Variants in TECTA observed in about 807,000 individuals in gnomAD.
TECTA encodes tectorin alpha.
Under a neutral mutation model 216.8 loss-of-function variants are expected in TECTA, and 128 were observed. The observed-to-expected ratio is 0.59, with a 90% CI of 0.51 to 0.68. The LOEUF is 0.68. TECTA is among the 30% of genes least tolerant of loss of function. The pLI is 0.00. For missense variants in TECTA, 2,551 were observed against 2,786.2 expected (o/e 0.92, Z 1.90); for synonymous variants, 1,089 against 1,117.1 (o/e 0.97, Z 0.50).
At chr11:121,175,291 T>C (rs879286270) in intron 20 of TECTA, among the ~76,000 whole-genome samples, 3 of 151,854 alleles carry the variant, frequency 2.0e-5, no homozygotes, top group Non-Finnish European at 4.4e-5. Flanking sequence ...TGTTAGGGTG[T>C]CAATTTTGGA....
At position 121,187,868 on chromosome 11, in the gene TECTA, G is replaced by A. The variant is rs1343233040; in HGVS notation, c.6036G>A (p.Glu2012=). The change falls in exon 21 of 24, where the codon GAG becomes GAA. Residue 2012 remains glutamate (E), a synonymous_variant. Coordinates refer to ENST00000392793, the MANE Select transcript of TECTA (RefSeq NM_005422.4). ...QNLKDNTIGI[E]ENAVSLTCRF... ...TCAAAGATAACACCATTGGCATCGAGGAGAATGCAGTCTCCCTGACCTGTC... is the reference window on the plus strand; with the variant it reads ...TCAAAGATAACACCATTGGCATCGAAGAGAATGCAGTCTCCCTGACCTGTC... The A allele has an allele frequency of 1.2e-6, 2 of 1,614,250 alleles. No individual in the cohort carries two copies. The highest frequency in any genetic ancestry group is 2.2e-5 in the East Asian group (1 of 44,896).
Position 121,162,263 on chromosome 11 carries a change from G to T in TECTA, c.5165G>T (p.Cys1722Phe), listed in dbSNP as rs1947008494. The change falls in exon 16 of 24, where the codon TGC becomes TTC. Residue 1722 changes from cysteine to phenylalanine, a missense_variant. Around this residue, in one of 3 missense-constraint regions of TECTA, gnomAD observed 2,375 missense variants for 2,563.9 expected, o/e 0.93. Transcript: ENST00000392793. The part of the protein sequence containing the change: ...PFYESCYLDG[C>F]YSHKKFQLCG... ...TACGAGTCCTGCTACCTGGACGGCTGCTACAGCCACAAGAAGTTCCAGCTG... is the reference window on the plus strand; with the variant it reads ...TACGAGTCCTGCTACCTGGACGGCTTCTACAGCCACAAGAAGTTCCAGCTG... 3.1e-6 allele frequency: 5 copies of T among 1,614,052 alleles called. No homozygotes were observed. The highest frequency in any genetic ancestry group is 3.4e-6 in the Non-Finnish European group (4 of 1,180,050).
chr11:121,125,775 C>CA lies in TECTA; in HGVS notation c.1679dup (p.Asn560LysfsTer166), dbSNP rs766698646. 2 of 1,614,152 alleles carry CA rather than the reference C, an allele frequency of 1.2e-6. No individual in the cohort carries two copies. Among genetic ancestry groups the CA allele is most frequent in the Non-Finnish European group, 1.7e-6 (2 of 1,180,048 alleles). ...TGTATGACCTGTGCAGTGTGAGGGA[C>CA]AATGGCACGCTCCTCTGCCAAGCCA... On this transcript the variant is annotated frameshift_variant, in exon 8 of 24. Coordinates refer to ENST00000392793, the MANE Select transcript of TECTA (RefSeq NM_005422.4). LOFTEE classifies it high-confidence loss of function.
At chr11:121,139,363 C>A (rs531457524) in intron 11 of TECTA, among the ~76,000 whole-genome samples, 7 of 152,304 alleles carry the variant, frequency 4.6e-5, no homozygotes, top group African/African-American at 1.7e-4. Flanking sequence ...GAATGGGCAG[C>A]CCCCTGCACC....
intron 20 of TECTA, among the ~76,000 whole-genome samples, chr11:121,181,667 C>G (rs967051151): frequency 6.6e-6 from 1 of 151,904 alleles, no homozygotes; most frequent in Non-Finnish European, 1.5e-5. Context: ...ACAGGTTTCT[C>G]CATGTTGGTC....
At chr11:121,134,703 T>C (rs574156553) in intron 10 of TECTA, among the ~76,000 whole-genome samples, 11 of 152,184 alleles carry the variant, frequency 7.2e-5, no homozygotes, top group African/African-American at 2.4e-4. Context: ...GATTGCCGAG[T>C]CTCCCCTATA....
At chr11:121,185,439 G>A (rs1350866192) in intron 20 of TECTA, among the ~76,000 whole-genome samples, 1 of 145,330 alleles carries the variant, frequency 6.9e-6, no homozygotes, top group Admixed American at 6.7e-5. Flanking sequence ...GAATGAGTAG[G>A]GAAAGCAGAT....
chr11:121,113,664 G>T lies in TECTA; in HGVS notation c.736G>T (p.Ala246Ser). The T allele has an allele frequency of 3.1e-6, 5 of 1,613,870 alleles. No homozygotes were observed. The highest frequency in any genetic ancestry group is 4.2e-6 in the Non-Finnish European group (5 of 1,180,014). Residue 246 changes from alanine to serine, a missense_variant, in exon 6 of 24, where the codon GCA (alanine) becomes TCA (serine). Physicochemically the swap from Ala to Ser is moderately conservative, Grantham distance 99 (BLOSUM62 1). Around this residue, in one of 3 missense-constraint regions of TECTA, gnomAD observed 2,375 missense variants for 2,563.9 expected, o/e 0.93. Coordinates refer to ENST00000392793, the MANE Select transcript of TECTA (RefSeq NM_005422.4). The surrounding 1 kb of genome is among the most constrained non-coding windows in gnomAD (Gnocchi z 4.2). ...TTNVNVPGRW[A>S]FKVDGKEIDP... Reference sequence around the variant, plus strand: ...AAACGTCAATGTTCCAGGCCGCTGGGCATTTAAAGTTGATGGAAAGGAAAT... The same window carrying T: ...AAACGTCAATGTTCCAGGCCGCTGGTCATTTAAAGTTGATGGAAAGGAAAT...
chr11:121,157,785 G>C (rs1946956142), intron 13 of TECTA, 56 bp from the exon 14 acceptor site: 14 of 1,611,642 alleles, frequency 8.7e-6, no homozygotes, highest in South Asian at 1.1e-5. Flanking sequence ...CTGGGCTTTC[G>C]GGTCCCCAGC....
At position 121,187,892 on chromosome 11, in the gene TECTA, T is replaced by C; in HGVS notation, c.6060T>C (p.Cys2020=). The C allele has an allele frequency of 6.2e-7, 1 of 1,614,270 alleles. No homozygotes were observed. Among genetic ancestry groups the C allele is most frequent in the Non-Finnish European group, 8.5e-7 (1 of 1,180,054 alleles). Residue 2020 remains cysteine, a synonymous_variant, in exon 21 of 24, where the codon TGT becomes TGC. Transcript: ENST00000392793. ...GIEENAVSLT[C]RFHVTVFKFI... ...AGGAGAATGCAGTCTCCCTGACCTG[T>C]CGCTTTCACGTCACCGTCTTTAAAT...
At position 121,127,836 on chromosome 11, in the gene TECTA, C is replaced by G. The variant is rs1946628327; in HGVS notation, c.1859C>G (p.Ser620Trp). The change falls in exon 9 of 24, where the codon TCG becomes TGG. Residue 620 changes from serine to tryptophan, a missense_variant. This residue lies in a region of TECTA where 2,375 missense variants were observed against 2,563.9 expected (regional missense o/e 0.93). Coordinates refer to ENST00000392793, the MANE Select transcript of TECTA (RefSeq NM_005422.4). The surrounding 1 kb of genome is among the most constrained non-coding windows in gnomAD (Gnocchi z 5.0). ...GACACATGCTCCGACCTGACGGCCT[C>G]GCGGAACTGCGCCACGCCGTGCACA... ...CPDTCSDLTA[S>W]RNCATPCTEG... 6.2e-7 allele frequency: 1 copy of G among 1,614,128 alleles called. No individual in the cohort carries two copies. The highest frequency in any genetic ancestry group is 1.3e-5 in the African/African-American group (1 of 75,058).
chr11:121,115,757 C>A lies in TECTA; in HGVS notation c.790+2039C>A, dbSNP rs1228372202. Among the ~76,000 whole-genome samples, 3 of 152,140 alleles carry A rather than the reference C, an allele frequency of 2.0e-5. No individual in the cohort carries two copies. In the East Asian group the frequency reaches 5.8e-4, roughly 29 times the overall value. On this transcript the variant is annotated intron_variant, in intron 6 of 23. Coordinates refer to ENST00000392793, the MANE Select transcript of TECTA (RefSeq NM_005422.4). ...TAACTTTGAACTCCAAACTCCTGGGCTCAAGTAATCCTCTCACCTCAGTCT... is the reference window on the plus strand; with the variant it reads ...TAACTTTGAACTCCAAACTCCTGGGATCAAGTAATCCTCTCACCTCAGTCT...
chr11:121,160,519 C>T, intron 15 of TECTA, 98 bp downstream of exon 15: 1 of 1,508,628 alleles, frequency 6.6e-7, no homozygotes, highest in South Asian at 1.1e-5. Context: ...TTAGCACTGC[C>T]CCTGCTCTCC....
At chr11:121,119,139 A>G (rs1591440349) in intron 7 of TECTA, among the ~76,000 whole-genome samples, 1 of 151,434 alleles carries the variant, frequency 6.6e-6, no homozygotes, top group Admixed American at 6.6e-5. Context: ...CACAATACAA[A>G]CCCCCAATTC....
chr11:121,168,520 C>A (rs1947078381), intron 19 of TECTA, 157 bp from the exon 20 acceptor site: 2 of 1,045,632 alleles, frequency 1.9e-6, no homozygotes, highest in Non-Finnish European at 2.8e-6. Flanking sequence ...ATGTAAATTG[C>A]CCCATGTGGC....
intron 21 of TECTA, among the ~76,000 whole-genome samples, chr11:121,188,455 G>A (rs1247723002): frequency 6.6e-6 from 1 of 152,144 alleles, no homozygotes; most frequent in East Asian, 1.9e-4. Context: ...TGACCACTGG[G>A]CCAAGTTCCA....
intron 12 of TECTA, among the ~76,000 whole-genome samples, chr11:121,151,873 T>C (rs142807973): frequency 0.01 from 1,536 of 152,348 alleles, 5 homozygotes; most frequent in Non-Finnish European, 0.016. Flanking sequence ...ATGGTAGCTG[T>C]GCTTTTAGTA....
Position 121,125,309 on chromosome 11 carries a change from A to C in TECTA, c.1211A>C (p.Asp404Ala). 1 of 1,613,134 alleles carries C rather than the reference A, an allele frequency of 6.2e-7. No homozygotes were observed. The highest frequency in any genetic ancestry group is 8.5e-7 in the Non-Finnish European group (1 of 1,180,016). Residue 404 changes from aspartate to alanine, a missense_variant, in exon 8 of 24, where the codon GAC becomes GCC. Physicochemically the swap from Asp to Ala is moderately radical, Grantham distance 126 (BLOSUM62 -2). This residue lies in a region of TECTA where 2,375 missense variants were observed against 2,563.9 expected (regional missense o/e 0.93). Coordinates refer to ENST00000392793, the MANE Select transcript of TECTA (RefSeq NM_005422.4). Reference sequence around the variant, plus strand: ...TATTACTGTTGTTGGCAGGTTAATGACCTAGTGACTTCTTTGCCTGTCACC... The same window carrying C: ...TATTACTGTTGTTGGCAGGTTAATGCCCTAGTGACTTCTTTGCCTGTCACC... The part of the protein sequence containing the change: ...KGSYGRVKVN[D>A]LVTSLPVTLD...
intron 12 of TECTA, among the ~76,000 whole-genome samples, chr11:121,151,144 T>A (rs961935940): frequency 1.3e-5 from 2 of 152,316 alleles, no homozygotes; most frequent in East Asian, 3.9e-4. Context: ...TTAACCTTGT[T>A]TCCAAGGATC....
Sources: gnomAD v4.1 joint callset for allele counts (sites outside exome capture counted in the v4.1 genomes callset) on GRCh38, gnomAD v4.1.1 for gene constraint, gnomAD v4.1.1 regional missense constraint, Gnocchi (gnomAD v3.1) non-coding constraint, MANE v1.5 for transcripts, NCBI Gene and HGNC (gene_info 2026-07-23, HGNC 2026-07-21) for gene names.